The following RANBP2 variants were observed in gnomAD, a reference collection of about 807,000 sequenced individuals.
RANBP2 encodes the protein E3 SUMO-protein ligase RanBP2.
Under a neutral mutation model 303.6 loss-of-function variants are expected in RANBP2, and 57 were observed. The ratio of observed to expected loss-of-function variants is 0.19; its 90% CI spans 0.15 to 0.23. RANBP2 has a LOEUF of 0.23. Among genes scored for constraint, RANBP2 ranks in the 10% least tolerant of loss-of-function variants. The probability of loss-of-function intolerance (pLI) is 1.00; values close to 1 mark genes in which losing one functional copy is unlikely to be tolerated. For synonymous variants in RANBP2, 1,167 were observed against 1,301.5 expected, an observed-to-expected ratio of 0.90 and a Z score of 2.23; for missense variants, 3,138 against 3,780.8, an observed-to-expected ratio of 0.83 and a Z score of 4.46.
chr2:109,412,484 G>A, the RANBP2 span, among the ~76,000 whole-genome samples: 1 of 152,248 alleles, frequency 6.6e-6, no homozygotes, highest in Admixed American at 6.5e-5. Context: ...CAGGACCAGT[G>A]CGTGCCTATC....
In RANBP2 at chr2:108,762,261, A is replaced by G. The variant is rs545206357; in HGVS notation, c.2697+66A>G. 2.0e-4 allele frequency: 290 copies of G among 1,442,594 alleles called. 1 individual carries two copies. Among genetic ancestry groups the G allele is most frequent in the Non-Finnish European group, 2.5e-4 (272 of 1,096,728 alleles). The allele number at this position is 1,442,594 out of a possible 1,614,324, so 89.4% of individuals were successfully genotyped here. ...TTTAAATTGTTTAGGGTTCCTTCAA[A>G]TAAATTCAAGAGAGCAGTTCACTAT... On this transcript the variant is annotated intron_variant, in intron 19 of 28. Coordinates refer to ENST00000283195, the MANE Select transcript of RANBP2 (RefSeq NM_006267.5).
the RANBP2 span, among the ~76,000 whole-genome samples, chr2:109,734,173 C>A: frequency 1.8e-5 from 1 of 54,124 alleles, no homozygotes; most frequent in Non-Finnish European, 3.8e-5. Context: ...AGAAAGACTC[C>A]ACCTCAAAAA....
chr2:109,340,531 C>T, the RANBP2 span, among the ~76,000 whole-genome samples: 1 of 152,206 alleles, frequency 6.6e-6, no homozygotes, highest in Non-Finnish European at 1.5e-5. Context: ...TCAGTTCTCC[C>T]ATCTGACTTT....
the RANBP2 span, among the ~76,000 whole-genome samples, chr2:109,343,726 T>C: frequency 6.7e-6 from 1 of 150,016 alleles, no homozygotes; most frequent in Non-Finnish European, 1.5e-5. Flanking sequence ...GCTTCTGCCC[T>C]GCTCCTGCCC....
At chr2:109,254,243 ACAAT>A in the RANBP2 span, among the ~76,000 whole-genome samples, 1 of 152,160 alleles carries the variant, frequency 6.6e-6, no homozygotes, top group Non-Finnish European at 1.5e-5. Context: ...TGACCTGAGG[ACAAT>A]CAATATGTTT....
At chr2:109,247,263 C>T in the RANBP2 span, among the ~76,000 whole-genome samples, 2 of 152,146 alleles carry the variant, frequency 1.3e-5, no homozygotes, top group Non-Finnish European at 2.9e-5. Context: ...TCCTTAATGT[C>T]CTGGAATCGG....
chr2:108,786,682 T>TCGCCCCGCCCCGCCC (rs532161545), downstream of RANBP2: 15 of 731,786 alleles, frequency 2.0e-5, no homozygotes, highest in African/African-American at 2.6e-4. Context: ...AGTCTCCGGG[T>TCGCCCCGCCCCGCCC]CGCCCCGCCC....
chr2:108,920,075 A>G, the RANBP2 span, among the ~76,000 whole-genome samples: 1 of 152,216 alleles, frequency 6.6e-6, no homozygotes, highest in Non-Finnish European at 1.5e-5. Flanking sequence ...CTGAGTCCTC[A>G]TCTGAATCTC....
rs769399830 is a variant in RANBP2, at chr2:108,782,083, T to G, written c.8761-45T>G. The stretch of plus-strand genomic sequence containing the variant: ...GGATCTTTGAAATTTGTCATGGAAT[T>G]TATTATAAGCAGCAGCTTATAGAGA... On this transcript the variant is annotated intron_variant, in intron 26 of 28. Transcript: ENST00000283195. The G allele has an allele frequency of 3.1e-6, 5 of 1,591,424 alleles. No homozygotes were observed. The Admixed American group carries it at 9.2e-5, about 29-fold the overall frequency.
the RANBP2 span, among the ~76,000 whole-genome samples, chr2:108,865,487 TGTGC>T: frequency 6.6e-6 from 1 of 152,242 alleles, no homozygotes; most frequent in African/African-American, 2.4e-5. Flanking sequence ...TTGATGTTTT[TGTGC>T]CATAGACAAA....
chr2:109,564,880 C>T, the RANBP2 span, among the ~76,000 whole-genome samples: 2 of 152,332 alleles, frequency 1.3e-5, no homozygotes, highest in East Asian at 3.9e-4. Context: ...ATCCTGAAGA[C>T]ATTTCACATA....
chr2:109,673,115 A>G, the RANBP2 span, among the ~76,000 whole-genome samples: 1 of 152,232 alleles, frequency 6.6e-6, no homozygotes, highest in Admixed American at 6.5e-5. Flanking sequence ...GGGGGCCGTG[A>G]GCTACCATAC....
At chr2:109,565,566 C>T in the RANBP2 span, among the ~76,000 whole-genome samples, 2 of 152,008 alleles carry the variant, frequency 1.3e-5, no homozygotes, top group Non-Finnish European at 2.9e-5. Flanking sequence ...ACCGTGGGGG[C>T]GGGGGTAATG....
the RANBP2 span, among the ~76,000 whole-genome samples, chr2:109,241,294 A>C: frequency 7.4e-3 from 1,123 of 152,270 alleles, 9 homozygotes; most frequent in South Asian, 0.024. Flanking sequence ...CATTTGTAGT[A>C]ATGGCCATTA....
At chr2:108,817,481 C>T in the RANBP2 span, among the ~76,000 whole-genome samples, 193 of 151,990 alleles carry the variant, frequency 1.3e-3, no homozygotes, top group African/African-American at 4.2e-3. Flanking sequence ...TTAGTAGAGA[C>T]GGGGTTGCAC....
the RANBP2 span, among the ~76,000 whole-genome samples, chr2:109,430,320 G>A: frequency 6.6e-6 from 1 of 152,220 alleles, no homozygotes; most frequent in Non-Finnish European, 1.5e-5. Flanking sequence ...TTCTCTGAGA[G>A]CAGGCACATC....
chr2:109,497,511 C>T, the RANBP2 span, among the ~76,000 whole-genome samples: 1 of 152,204 alleles, frequency 6.6e-6, no homozygotes, highest in African/African-American at 2.4e-5. Context: ...GCTGTGGTTG[C>T]CATAACCTTA....
At chr2:109,491,835 C>G in the RANBP2 span, among the ~76,000 whole-genome samples, 1 of 152,190 alleles carries the variant, frequency 6.6e-6, no homozygotes, top group Non-Finnish European at 1.5e-5. Context: ...CTGCCAGAAC[C>G]TTTCCTCCCT....
rs762433464 is a variant in RANBP2, at chr2:108,771,769, C to A, written c.7918C>A (p.Pro2640Thr). 9.3e-6 allele frequency: 15 copies of A among 1,613,960 alleles called. No individual in the cohort carries two copies. In the East Asian group the frequency reaches 2.0e-4, roughly 22 times the overall value. The change falls in exon 21 of 29, where the codon CCA becomes ACA. Residue 2640 changes from proline to threonine, a missense_variant. Physicochemically the swap from Pro to Thr is conservative, Grantham distance 38. Coordinates refer to ENST00000283195, the MANE Select transcript of RANBP2 (RefSeq NM_006267.5). ...TGTTCTCATTGTATATGAACTAACT[C>A]CAACCGCTGAGCAGAAAGCCCTTGC... ...DDVLIVYELTPTAEQKALATK... is the reference protein window; with the variant it reads ...DDVLIVYELTTTAEQKALATK...
Sources: allele counts gnomAD v4.1 joint callset (sites outside exome capture counted in the v4.1 genomes callset), GRCh38; gene constraint gnomAD v4.1.1; transcripts MANE v1.5; gene names NCBI Gene and HGNC (gene_info 2026-07-23, HGNC 2026-07-21).